Variants in SLC25A48 observed in about 807,000 individuals in gnomAD.
SLC25A48 encodes solute carrier family 25 member 48, also known as CTC-321K16.1.
In SLC25A48, 29 loss-of-function variants were observed where a neutral mutation model predicts 32.2. The ratio of observed to expected loss-of-function variants is 0.90; its 90% CI spans 0.67 to 1.23. The LOEUF (loss-of-function observed/expected upper bound fraction) is 1.23. SLC25A48 is among the 50% of genes most tolerant of loss of function. The pLI is 0.00. For synonymous variants in SLC25A48, 164 were observed against 172.3 expected (o/e 0.95, Z 0.38); for missense variants, 399 against 422.7 (o/e 0.94, Z 0.49).
At chr5:135,804,275 C>T (rs1039819234) in intron 3 of SLC25A48, among the ~76,000 whole-genome samples, 3 of 151,692 alleles carry the variant, frequency 2.0e-5, no homozygotes, top group Non-Finnish European at 4.4e-5. Context: ...TAATATCTCC[C>T]TAAGATATTA....
chr5:135,602,371 A>T (rs1470475985), intron 1 of SLC25A48, among the ~76,000 whole-genome samples: 2 of 152,172 alleles, frequency 1.3e-5, no homozygotes, highest in African/African-American at 4.8e-5. Flanking sequence ...CAGACCTGGG[A>T]TGGACCTGGC....
intron 3 of SLC25A48, among the ~76,000 whole-genome samples, chr5:135,642,399 C>G (rs1752861265): frequency 6.6e-6 from 1 of 152,186 alleles, no homozygotes; most frequent in Non-Finnish European, 1.5e-5. Flanking sequence ...CTGGGAGAAC[C>G]CAGGACTGCC....
rs142712958 is a variant in SLC25A48, at chr5:135,691,905, T to C, written c.-521+56949T>C. 1.7e-3 allele frequency among the ~76,000 whole-genome samples: 258 copies of C among 152,200 alleles called. 1 individual carries two copies. Among genetic ancestry groups the C allele is most frequent in the African/African-American group, 6.0e-3 (250 of 41,538 alleles). ...TCATCTGGCCCTTGCTCAAGTGTGGTTGGTGTCAGGAGCCTTCCTCTCAAC... is the reference window on the plus strand; with the variant it reads ...TCATCTGGCCCTTGCTCAAGTGTGGCTGGTGTCAGGAGCCTTCCTCTCAAC... On this transcript the variant is annotated intron_variant, in intron 3 of 10. Coordinates refer to the SLC25A48 transcript ENST00000646290.
chr5:135,673,128 G>C (rs981670865), intron 3 of SLC25A48, among the ~76,000 whole-genome samples: 1 of 152,084 alleles, frequency 6.6e-6, no homozygotes, highest in Non-Finnish European at 1.5e-5. Flanking sequence ...TAATTTATCT[G>C]TTTATGGGCA....
chr5:135,651,244 C>G (rs1287722162), intron 3 of SLC25A48, among the ~76,000 whole-genome samples: 1 of 152,188 alleles, frequency 6.6e-6, no homozygotes, highest in Non-Finnish European at 1.5e-5. Context: ...CAATGCCTTG[C>G]TCCTGCAGAT....
intron 3 of SLC25A48, among the ~76,000 whole-genome samples, chr5:135,678,502 T>C (rs1473343441): frequency 6.6e-6 from 1 of 152,224 alleles, no homozygotes; most frequent in Non-Finnish European, 1.5e-5. Flanking sequence ...TCATTATTTT[T>C]AACTATTTGT....
At chr5:135,812,659 A>G (rs1024406104) in exon 4 of SLC25A48, 2 of 152,300 alleles carry the variant, frequency 1.3e-5, no homozygotes, top group African/African-American at 4.8e-5. Context: ...CTTTCTCCCT[A>G]ACATCCAGTT....
chr5:135,863,681 C>T (rs201941893), intron 4 of SLC25A48, among the ~76,000 whole-genome samples: 6 of 152,084 alleles, frequency 3.9e-5, no homozygotes, highest in African/African-American at 7.2e-5. Context: ...GTGAGAAAAC[C>T]GAGGCTGAAT....
Position 135,805,740 on chromosome 5 carries a change from G to A in SLC25A48, c.-520-6783G>A, listed in dbSNP as rs150226506. ...AGTGGGTGTACACCCTGTGATATCT[G>A]TAATATTTTAGGCAGATATTACTTT... On this transcript the variant is annotated intron_variant, in intron 3 of 10. Transcript: ENST00000646290. 1.4e-3 allele frequency among the ~76,000 whole-genome samples: 209 copies of A among 151,192 alleles called. 1 individual carries two copies. Among genetic ancestry groups the A allele is most frequent in the African/African-American group, 4.8e-3 (196 of 41,218 alleles).
chr5:135,857,548 T>G (rs1310360503), intron 4 of SLC25A48, among the ~76,000 whole-genome samples: 1 of 152,254 alleles, frequency 6.6e-6, no homozygotes, highest in East Asian at 1.9e-4. Flanking sequence ...ATGATAGTTA[T>G]GCACCTACTG....
chr5:135,846,429 G>T (rs761957724), intron 2 of SLC25A48, among the ~76,000 whole-genome samples: 24 of 152,044 alleles, frequency 1.6e-4, no homozygotes, highest in Non-Finnish European at 3.2e-4. Flanking sequence ...TCACTACCCA[G>T]TCCAATCTGG....
chr5:135,866,308 CA>C (rs1197079161), intron 4 of SLC25A48, among the ~76,000 whole-genome samples: 1 of 152,226 alleles, frequency 6.6e-6, no homozygotes, highest in Non-Finnish European at 1.5e-5. Context: ...AGTGGCCAGC[CA>C]TTGTGTTTCT....
At chr5:135,583,026 C>T (rs1434365935) in intron 1 of SLC25A48, among the ~76,000 whole-genome samples, 2 of 152,270 alleles carry the variant, frequency 1.3e-5, no homozygotes, top group South Asian at 2.1e-4. Context: ...CTTGCTCATC[C>T]TCAGTATCTA....
At chr5:135,831,010 C>T (rs1758190548), upstream of SLC25A48, among the ~76,000 whole-genome samples, 1 of 152,134 alleles carries the variant, frequency 6.6e-6, no homozygotes, top group Admixed American at 6.5e-5. Context: ...CTGGGGAGGC[C>T]TCCTCATGCA....
chr5:135,793,221 T>C (rs1404362570), intron 3 of SLC25A48, among the ~76,000 whole-genome samples: 1 of 151,406 alleles, frequency 6.6e-6, no homozygotes, highest in Non-Finnish European at 1.5e-5. Context: ...CTGGATGTTA[T>C]TTATAATATC....
At chr5:135,637,150 A>G (rs993795340) in intron 3 of SLC25A48, among the ~76,000 whole-genome samples, 69 of 152,328 alleles carry the variant, frequency 4.5e-4, no homozygotes, top group African/African-American at 1.7e-3. Flanking sequence ...TTTATCACCA[A>G]TGTGGTCAAC....
intron 1 of SLC25A48, chr5:135,835,262 T>C (rs932543491): frequency 4.1e-6 from 2 of 487,948 alleles, no homozygotes; most frequent in Non-Finnish European, 8.0e-6. Context: ...TCGCGGGAAC[T>C]TATGTATGAG....
At chr5:135,740,778 C>G (rs1321051365) in intron 3 of SLC25A48, among the ~76,000 whole-genome samples, 8 of 152,124 alleles carry the variant, frequency 5.3e-5, no homozygotes, top group Non-Finnish European at 1.0e-4. Context: ...AGAAAAGCTG[C>G]CCCCCAGCCC....
chr5:135,852,563 A>T lies in SLC25A48; in HGVS notation c.163A>T (p.Met55Leu). ...CTCTTCCTTCTGGTTTTCACTGCAGATGTTCGGCTTCTTCAAGGGCATGTC... is the reference window on the plus strand; with the variant it reads ...CTCTTCCTTCTGGTTTTCACTGCAGTTGTTCGGCTTCTTCAAGGGCATGTC... ...CIRVVYRRES[M>L]FGFFKGMSFP... The change falls in exon 4 of 8, where the codon ATG becomes TTG. Residue 55 changes from methionine (M) to leucine (L), a missense_variant and splice_region_variant. By Grantham distance (15) the Met-to-Leu change is conservative (BLOSUM62 2). Coordinates refer to ENST00000681962, the MANE Select transcript of SLC25A48 (RefSeq NM_001349336.2). The T allele has an allele frequency of 1.9e-6, 3 of 1,590,632 alleles. No homozygotes were observed. The highest frequency in any genetic ancestry group is 1.7e-6 in the Non-Finnish European group (2 of 1,161,802).
Sources: allele counts gnomAD v4.1 joint callset (sites outside exome capture counted in the v4.1 genomes callset), GRCh38; gene constraint gnomAD v4.1.1; transcripts MANE v1.5; gene names NCBI Gene and HGNC (gene_info 2026-07-23, HGNC 2026-07-21).